Variants in ATIC observed in about 807,000 individuals in gnomAD.
The protein encoded by ATIC is bifunctional purine biosynthesis protein ATIC.
In ATIC, 64 loss-of-function variants were observed where a neutral mutation model predicts 72.5. That is an observed-to-expected ratio of 0.88 (90% CI 0.72 to 1.09). The LOEUF is 1.09. ATIC is among the 50% of genes least tolerant of loss of function. The pLI, the probability that ATIC is intolerant of heterozygous loss-of-function variation, is 0.00. For synonymous variants in ATIC, 281 were observed against 267.1 expected (o/e 1.05, Z -0.51); for missense variants, 787 against 732.4 (o/e 1.07, Z -0.86).
At chr2:215,359,349 T>C in the ATIC span, among the ~76,000 whole-genome samples, 2 of 152,236 alleles carry the variant, frequency 1.3e-5, no homozygotes, top group Non-Finnish European at 2.9e-5. Context: ...CCTATGAATA[T>C]GGAAGCATCA....
At chr2:215,332,281 C>T in intron 7 of ATIC, 101 bp from the exon 8 acceptor site, 2 of 1,500,144 alleles carry the variant, frequency 1.3e-6, no homozygotes, top group South Asian at 2.3e-5. Context: ...CTTAATTATA[C>T]TTAAAACATT....
intron 12 of ATIC, among the ~76,000 whole-genome samples, chr2:215,342,354 T>C (rs1250496776): frequency 6.6e-6 from 1 of 152,208 alleles, no homozygotes; most frequent in African/African-American, 2.4e-5. Context: ...TTTTTTTAAA[T>C]TAAACTTTTT....
rs1441374945 is a variant in ATIC at position 215,349,476 on chromosome 2, T to A, written c.1660-60T>A. On this transcript the variant is annotated intron_variant, in intron 15 of 15. Coordinates refer to ENST00000236959, the MANE Select transcript of ATIC (RefSeq NM_004044.7). ...TAGCATATGCTTTTTAGAGGGGGAT[T>A]TTGAGTTTTGCAGGTTTTTACATAA... The A allele has an allele frequency of 1.9e-6, 3 of 1,612,588 alleles. No homozygotes were observed. The East Asian group carries it at 6.7e-5, about 36-fold the overall frequency.
intron 14 of ATIC, chr2:215,347,578 G>T (rs2106044476): frequency 2.0e-6 from 1 of 489,140 alleles, no homozygotes; most frequent in Non-Finnish European, 4.1e-6. Flanking sequence ...ATACTAGATG[G>T]TCTTCTGAAG....
the ATIC span, chr2:215,364,932 G>C: frequency 8.2e-6 from 13 of 1,578,158 alleles, no homozygotes; most frequent in Non-Finnish European, 1.0e-5. Flanking sequence ...TATTCCTTCT[G>C]CCACTGTTCT....
chr2:215,336,879 A>G (rs1025069551), intron 11 of ATIC, among the ~76,000 whole-genome samples: 3 of 152,220 alleles, frequency 2.0e-5, no homozygotes, highest in Non-Finnish European at 4.4e-5. Context: ...TAACTGAAAT[A>G]TATAAGGATG....
intron 3 of ATIC, among the ~76,000 whole-genome samples, chr2:215,319,372 T>G (rs1377290586): frequency 2.6e-5 from 4 of 151,830 alleles, no homozygotes; most frequent in African/African-American, 9.7e-5. Context: ...ACACCCCCCT[T>G]CTCTTTAAAA....
At chr2:215,351,984 C>T (rs1209681452), downstream of ATIC, among the ~76,000 whole-genome samples, 1 of 152,170 alleles carries the variant, frequency 6.6e-6, no homozygotes, top group Non-Finnish European at 1.5e-5. Flanking sequence ...CAGATATAAC[C>T]TAGCCGAAGG....
chr2:215,324,227 G>A (rs2052798743), intron 4 of ATIC, among the ~76,000 whole-genome samples: 1 of 152,200 alleles, frequency 6.6e-6, no homozygotes, highest in African/African-American at 2.4e-5. Flanking sequence ...GAGTAGACAA[G>A]TATTTTAGTC....
the ATIC span, among the ~76,000 whole-genome samples, chr2:215,357,338 G>A: frequency 3.3e-5 from 5 of 152,204 alleles, no homozygotes; most frequent in African/African-American, 2.4e-5. Context: ...GGCACTTGAC[G>A]CCAGCCCCAG....
chr2:215,348,129 AGGC>A (rs2053091459), intron 14 of ATIC, among the ~76,000 whole-genome samples: 1 of 152,180 alleles, frequency 6.6e-6, no homozygotes. Flanking sequence ...AACTTTCTAA[AGGC>A]CTTATACTTC....
the ATIC span, among the ~76,000 whole-genome samples, chr2:215,357,037 A>G: frequency 0.22 from 33,839 of 152,144 alleles, 4,511 homozygotes; most frequent in Non-Finnish European, 0.3. Context: ...ACCGTTTTAC[A>G]TTTCCACCAG....
downstream of ATIC, among the ~76,000 whole-genome samples, chr2:215,352,209 G>C (rs1575128923): frequency 6.6e-6 from 1 of 152,136 alleles, no homozygotes; most frequent in African/African-American, 2.4e-5. Flanking sequence ...TGTAATAAAT[G>C]TACCATGCTA....
Position 215,349,559 on chromosome 2 carries a change from T to C in ATIC, c.1683T>C (p.Ala561=). The C allele has an allele frequency of 6.2e-7, 1 of 1,614,030 alleles. No individual in the cohort carries two copies. Among genetic ancestry groups the C allele is most frequent in the Non-Finnish European group, 8.5e-7 (1 of 1,180,014 alleles). The stretch of plus-strand genomic sequence containing the variant: ...AGAGTGGTGTGGCGTACATTGCGGC[T>C]CCCTCCGGTTCTGCTGCTGACAAAG... ...AKRSGVAYIA[A]PSGSAADKVV... The change falls in exon 16 of 16, where the codon GCT becomes GCC. Residue 561 remains alanine (A), a synonymous_variant. Transcript: ENST00000236959.
chr2:215,365,096 A>G, the ATIC span: 1 of 746,640 alleles, frequency 1.3e-6, no homozygotes, highest in Non-Finnish European at 2.4e-6. Context: ...CAGCGCAAAC[A>G]CCACATATTT....
chr2:215,344,780 T>A lies in ATIC; in HGVS notation c.1229T>A (p.Leu410Ter). 1.9e-6 allele frequency: 3 copies of A among 1,613,878 alleles called. No homozygotes were observed. Among genetic ancestry groups the A allele is most frequent in the Non-Finnish European group, 2.5e-6 (3 of 1,179,862 alleles). Residue 410 changes from leucine to a stop codon, truncating the protein, a stop_gained and splice_region_variant, in exon 13 of 16, where the codon TTG (leucine) becomes TAG (stop). Coordinates refer to ENST00000236959, the MANE Select transcript of ATIC (RefSeq NM_004044.7). LOFTEE classifies it high-confidence loss of function. ...TTTACCATTGTGTATGTGTTTCAGTTGCCAGAGTCTGCCCTCCGAGACCTC... is the reference window on the plus strand; with the variant it reads ...TTTACCATTGTGTATGTGTTTCAGTAGCCAGAGTCTGCCCTCCGAGACCTC... ...FSNVVTKNKD[L>*]PESALRDLIV...
At chr2:215,366,123 G>A in the ATIC span, among the ~76,000 whole-genome samples, 1 of 151,816 alleles carries the variant, frequency 6.6e-6, no homozygotes, top group African/African-American at 2.4e-5. Flanking sequence ...TGGCCAATGG[G>A]CCATTTCTTT....
At chr2:215,347,211 C>G in intron 14 of ATIC, 3 of 458,378 alleles carry the variant, frequency 6.5e-6, no homozygotes, top group Non-Finnish European at 1.2e-5. Context: ...ATTTGTACTT[C>G]CCCTGTTGAT....
Position 215,346,868 on chromosome 2 carries a change from A to G in ATIC, c.1430A>G (p.Lys477Arg). The G allele has an allele frequency of 1.2e-6, 2 of 1,614,194 alleles. No individual in the cohort carries two copies. Among genetic ancestry groups the G allele is most frequent in the Non-Finnish European group, 1.7e-6 (2 of 1,180,028 alleles). ...CACCATCCACAAGTGCTTTCGATGA[A>G]GTTTAAAACAGGAGTGAAGAGAGCA... ...LRHHPQVLSM[K>R]FKTGVKRAEI... is the part of the protein sequence containing the mutation. The change falls in exon 14 of 16, where the codon AAG becomes AGG. Residue 477 changes from lysine (K) to arginine (R), a missense_variant. By Grantham distance (26) the Lys-to-Arg change is conservative. Transcript: ENST00000236959.
Sources: gnomAD v4.1 joint callset for allele counts (sites outside exome capture counted in the v4.1 genomes callset) on GRCh38, gnomAD v4.1.1 for gene constraint, MANE v1.5 for transcripts, NCBI Gene and HGNC (gene_info 2026-07-23, HGNC 2026-07-21) for gene names.